The following FGF12 variants were observed in gnomAD, a reference collection of about 807,000 sequenced individuals.
FGF12 encodes fibroblast growth factor 12B.
In FGF12, 14 loss-of-function variants were observed where a neutral mutation model predicts 23.6. The ratio of observed to expected loss-of-function variants is 0.59; its 90% CI spans 0.39 to 0.93. FGF12 has a LOEUF of 0.93. FGF12 is among the 40% of genes least tolerant of loss of function. FGF12 has a pLI of 0.00. For synonymous variants in FGF12, 62 were observed against 77.3 expected (o/e 0.80, Z 1.04); for missense variants, 175 against 217.8 (o/e 0.80, Z 1.24).
intron 4 of FGF12, among the ~76,000 whole-genome samples, chr3:192,299,483 A>C (rs759607611): frequency 3.3e-5 from 5 of 152,178 alleles, no homozygotes; most frequent in Non-Finnish European, 7.4e-5. Context: ...TATTGTATTT[A>C]AAAAATGAGA....
At chr3:192,188,030 C>T (rs1716571713) in intron 4 of FGF12, among the ~76,000 whole-genome samples, 1 of 152,122 alleles carries the variant, frequency 6.6e-6, no homozygotes, top group South Asian at 2.1e-4. Flanking sequence ...AGAGACATTC[C>T]AGTGAAACAG....
At chr3:192,171,012 T>G (rs1715531080) in intron 4 of FGF12, among the ~76,000 whole-genome samples, 1 of 152,180 alleles carries the variant, frequency 6.6e-6, no homozygotes, top group Admixed American at 6.5e-5. Context: ...AATAAGGAAC[T>G]AAAATTTATC....
chr3:192,606,745 AG>A (rs1714353454), intron 2 of FGF12, among the ~76,000 whole-genome samples: 1 of 152,134 alleles, frequency 6.6e-6, no homozygotes, highest in African/African-American at 2.4e-5. Flanking sequence ...GTTATTTAAA[AG>A]CAGTGCAAGG....
intron 4 of FGF12, among the ~76,000 whole-genome samples, chr3:192,282,636 T>C (rs1431742903): frequency 6.6e-6 from 1 of 152,110 alleles, no homozygotes; most frequent in Admixed American, 6.6e-5. Context: ...CCTTTATGCC[T>C]ACAGATTCTG....
chr3:192,715,464 T>C (rs114679556), intron 2 of FGF12, among the ~76,000 whole-genome samples: 2,883 of 152,352 alleles, frequency 0.019, 83 homozygotes, highest in African/African-American at 0.065. Context: ...GCATATAATA[T>C]TTCATCAGCC....
chr3:192,255,896 C>T (rs556603894), intron 4 of FGF12, among the ~76,000 whole-genome samples: 36 of 152,196 alleles, frequency 2.4e-4, no homozygotes, highest in African/African-American at 8.7e-4. Flanking sequence ...ATGTACCCAC[C>T]TGGCAGGCCT....
chr3:192,182,086 G>A lies in FGF12; in HGVS notation c.229-11430C>T, dbSNP rs796166095. ...CCATATTTGAGGGAAAATATTACTG[G>A]ATATAATTAATTATAGGCTGGATAC... is the stretch of plus-strand genomic sequence containing the variant. On this transcript the variant is annotated intron_variant, in intron 4 of 5. Coordinates refer to ENST00000445105, the MANE Select transcript of FGF12 (RefSeq NM_004113.6). Among the ~76,000 whole-genome samples, 4 of 152,172 alleles carry A rather than the reference G, an allele frequency of 2.6e-5. No homozygotes were observed. The East Asian group carries it at 5.8e-4, about 22-fold the overall frequency.
At chr3:192,418,223 A>T (rs1466480485) in intron 2 of FGF12, among the ~76,000 whole-genome samples, 2 of 152,118 alleles carry the variant, frequency 1.3e-5, no homozygotes, top group African/African-American at 4.8e-5. Flanking sequence ...GTAATTAATA[A>T]AAAAGTTAAT....
chr3:192,353,366 C>CT (rs34992097), intron 3 of FGF12, among the ~76,000 whole-genome samples: 24,354 of 98,572 alleles, frequency 0.25, 4,272 homozygotes, highest in East Asian at 0.5. Flanking sequence ...GAGCAGAAGT[C>CT]TTTTTTTTTT....
At chr3:192,421,537 G>A (rs1255952910) in intron 2 of FGF12, among the ~76,000 whole-genome samples, 1 of 152,048 alleles carries the variant, frequency 6.6e-6, no homozygotes, top group African/African-American at 2.4e-5. Context: ...GGATGAAGCT[G>A]GAAAGCATCA....
chr3:192,567,476 G>T (rs1181786355), intron 2 of FGF12, among the ~76,000 whole-genome samples: 3 of 152,150 alleles, frequency 2.0e-5, no homozygotes. Flanking sequence ...GGGGGGAAAA[G>T]CATGTATCCT....
At chr3:192,656,861 A>G (rs1344793402) in intron 2 of FGF12, among the ~76,000 whole-genome samples, 3 of 152,234 alleles carry the variant, frequency 2.0e-5, no homozygotes, top group Non-Finnish European at 4.4e-5. Context: ...CTTGAAATGC[A>G]TAATAGCCAC....
intron 4 of FGF12, among the ~76,000 whole-genome samples, chr3:192,228,645 T>C (rs1331467632): frequency 6.6e-6 from 1 of 152,058 alleles, no homozygotes; most frequent in African/African-American, 2.4e-5. Flanking sequence ...GTGTTAGAGA[T>C]AAATACAGAA....
chr3:192,202,870 G>T (rs1054881684), intron 4 of FGF12, among the ~76,000 whole-genome samples: 4 of 152,102 alleles, frequency 2.6e-5, no homozygotes, highest in Non-Finnish European at 5.9e-5. Context: ...GATAAAGACT[G>T]AAAAAAATAA....
chr3:192,187,113 A>G (rs547603906), intron 4 of FGF12, among the ~76,000 whole-genome samples: 3 of 152,338 alleles, frequency 2.0e-5, no homozygotes, highest in South Asian at 2.1e-4. Context: ...CTTGTATTCA[A>G]CATGAATAGA....
rs1473210466 is a variant in FGF12 at position 192,619,869 on chromosome 3, G to T, written c.13+107312C>A. Among the ~76,000 whole-genome samples the T allele has an allele frequency of 7.2e-5, 11 of 152,170 alleles. 1 individual carries two copies. Among genetic ancestry groups the T allele is most frequent in the Non-Finnish European group, 1.2e-4 (8 of 68,032 alleles). On this transcript the variant is annotated intron_variant, in intron 2 of 5. Transcript: ENST00000445105. ...GGGCGAATTTTCAGCTGGAGCAGAA[G>T]AATGGATTTTAGCAATGGAGTTTAA...
At chr3:192,168,715 C>T (rs1208322592) in intron 5 of FGF12, among the ~76,000 whole-genome samples, 1 of 152,162 alleles carries the variant, frequency 6.6e-6, no homozygotes, top group African/African-American at 2.4e-5. Context: ...TCAAATATCT[C>T]TCTATGATAT....
intron 4 of FGF12, among the ~76,000 whole-genome samples, chr3:192,311,232 C>T (rs1367789488): frequency 1.3e-5 from 2 of 152,062 alleles, no homozygotes; most frequent in East Asian, 1.9e-4. Flanking sequence ...AAAACCATCA[C>T]CCCAATTAAT....
intron 2 of FGF12, among the ~76,000 whole-genome samples, chr3:192,424,560 A>G (rs1721635894): frequency 2.0e-5 from 3 of 152,186 alleles, no homozygotes; most frequent in South Asian, 2.1e-4. Flanking sequence ...CAAGGATTCA[A>G]TTAAACACAA....
Sources: allele counts gnomAD v4.1 joint callset (sites outside exome capture counted in the v4.1 genomes callset), GRCh38; gene constraint gnomAD v4.1.1; transcripts MANE v1.5; gene names NCBI Gene and HGNC (gene_info 2026-07-23, HGNC 2026-07-21).